DCC: variants seen among roughly 807,000 people sequenced by gnomAD.
The protein encoded by DCC is DCC netrin 1 receptor, also known as netrin receptor DCC.
In DCC, 58 loss-of-function variants were observed where a neutral mutation model predicts 172.5. The observed-to-expected ratio is 0.34, with a 90% CI of 0.27 to 0.42. The LOEUF (loss-of-function observed/expected upper bound fraction) is 0.42. Among genes scored for constraint, DCC ranks in the 10% least tolerant of loss-of-function variants. DCC has a pLI of 1.00. For missense variants in DCC, 1,740 were observed against 1,791.0 expected (o/e 0.97, Z 0.51); for synonymous variants, 709 against 644.5 (o/e 1.10, Z -1.52).
intron 1 of DCC, among the ~76,000 whole-genome samples, chr18:52,618,488 A>G (rs1055621134): frequency 6.6e-6 from 1 of 152,172 alleles, no homozygotes; most frequent in Non-Finnish European, 1.5e-5. Context: ...TGTACAGATA[A>G]ATGTAATAAC....
intron 2 of DCC, among the ~76,000 whole-genome samples, chr18:52,836,051 C>A (rs2038698938): frequency 6.6e-6 from 1 of 152,114 alleles, no homozygotes; most frequent in Non-Finnish European, 1.5e-5. Context: ...CTTCACATGG[C>A]AGCAGGAAGG....
intron 2 of DCC, among the ~76,000 whole-genome samples, chr18:52,860,479 AT>A (rs1383021795): frequency 2.0e-5 from 3 of 152,206 alleles, no homozygotes; most frequent in Non-Finnish European, 4.4e-5. Flanking sequence ...TTATAGACAA[AT>A]AAAAAAACCT....
chr18:53,000,862 A>G (rs1250478203), intron 5 of DCC, among the ~76,000 whole-genome samples: 1 of 152,082 alleles, frequency 6.6e-6, no homozygotes, highest in Non-Finnish European at 1.5e-5. Context: ...GCATTATATT[A>G]AAAACAAGGT....
intron 14 of DCC, among the ~76,000 whole-genome samples, chr18:53,336,141 A>G (rs1389232840): frequency 6.6e-6 from 1 of 152,134 alleles, no homozygotes; most frequent in East Asian, 1.9e-4. Context: ...TAACTACTCT[A>G]CTATTCCTCT....
intron 12 of DCC, among the ~76,000 whole-genome samples, chr18:53,291,174 A>G (rs1047383656): frequency 6.6e-6 from 1 of 152,172 alleles, no homozygotes; most frequent in South Asian, 2.1e-4. Flanking sequence ...TTTCGAAAAA[A>G]AAAAGAAAAA....
chr18:52,981,757 C>G (rs1321268959), intron 5 of DCC, among the ~76,000 whole-genome samples: 1 of 152,044 alleles, frequency 6.6e-6, no homozygotes, highest in Non-Finnish European at 1.5e-5. Flanking sequence ...TGTAAATTTA[C>G]ATTTTTCTTG....
chr18:53,136,792 T>C (rs1025575200), intron 7 of DCC, among the ~76,000 whole-genome samples: 2 of 152,168 alleles, frequency 1.3e-5, no homozygotes, highest in Non-Finnish European at 2.9e-5. Flanking sequence ...GTTTTAAAAA[T>C]GAGGAAATGT....
chr18:52,909,634 T>G (rs185856491), intron 3 of DCC, among the ~76,000 whole-genome samples: 36 of 152,338 alleles, frequency 2.4e-4, no homozygotes, highest in African/African-American at 8.4e-4. Context: ...TGAGGTCTAT[T>G]AAATTCAGAG....
intron 5 of DCC, among the ~76,000 whole-genome samples, chr18:52,991,138 T>C (rs1370412937): frequency 6.6e-6 from 1 of 151,916 alleles, no homozygotes; most frequent in African/African-American, 2.4e-5. Context: ...TAACACCTTA[T>C]CGATGTATCA....
intron 5 of DCC, among the ~76,000 whole-genome samples, chr18:53,046,923 AT>A (rs967672610): frequency 1.3e-5 from 2 of 151,514 alleles, no homozygotes; most frequent in African/African-American, 2.4e-5. Flanking sequence ...CCTGTCTTTC[AT>A]TTTTTTAATG....
At chr18:52,603,005 A>G (rs2097120581) in intron 1 of DCC, among the ~76,000 whole-genome samples, 1 of 152,100 alleles carries the variant, frequency 6.6e-6, no homozygotes, top group Non-Finnish European at 1.5e-5. Context: ...TGTTGACAAG[A>G]AAAGAGTATC....
chr18:53,228,381 A>C (rs1314157773), intron 12 of DCC, among the ~76,000 whole-genome samples: 1 of 152,130 alleles, frequency 6.6e-6, no homozygotes, highest in African/African-American at 2.4e-5. Flanking sequence ...TTCATTAATT[A>C]GTTTGTTTGT....
intron 2 of DCC, among the ~76,000 whole-genome samples, chr18:52,777,702 T>C (rs1309513122): frequency 6.6e-6 from 1 of 151,854 alleles, no homozygotes; most frequent in Non-Finnish European, 1.5e-5. Context: ...AAGATACCTG[T>C]GCAGCTGACC....
chr18:52,646,612 G>T (rs542371379), intron 1 of DCC, among the ~76,000 whole-genome samples: 6 of 152,230 alleles, frequency 3.9e-5, no homozygotes, highest in Non-Finnish European at 1.5e-5. Context: ...AAAACTTAGG[G>T]AAAGATTTAC....
At chr18:52,988,940 G>A (rs561643213) in intron 5 of DCC, among the ~76,000 whole-genome samples, 15 of 151,264 alleles carry the variant, frequency 9.9e-5, no homozygotes, top group African/African-American at 3.4e-4. Flanking sequence ...AAATCCAAGC[G>A]ATATCCCTTT....
chr18:52,764,127 A>G (rs990803334), intron 2 of DCC, among the ~76,000 whole-genome samples: 3 of 152,212 alleles, frequency 2.0e-5, no homozygotes, highest in Non-Finnish European at 2.9e-5. Flanking sequence ...ATTCAAGAGC[A>G]TTTTATTAGC....
chr18:52,800,607 T>G lies in DCC; in HGVS notation c.412+48233T>G, dbSNP rs77549291. On this transcript the variant is annotated intron_variant, in intron 2 of 28. Coordinates refer to ENST00000442544, the MANE Select transcript of DCC (RefSeq NM_005215.4). ...GTTAGATGCAGATAAAAAATAATCT[T>G]TGTGTGATAGCATTTTCAACACCAA... Among the ~76,000 whole-genome samples the G allele has an allele frequency of 3.5e-3, 526 of 152,306 alleles. 9 individuals are homozygous for G. The East Asian group carries it at 0.06, about 17-fold the overall frequency.
chr18:52,771,731 AGTAGCACTGAAAT>A (rs2037347061), intron 2 of DCC, among the ~76,000 whole-genome samples: 1 of 152,176 alleles, frequency 6.6e-6, no homozygotes, highest in Non-Finnish European at 1.5e-5. Context: ...CAAAAGGCCA[AGTAGCACTGAAAT>A]GTTTTTTGTT....
chr18:53,116,085 T>C (rs1313436977), intron 7 of DCC, among the ~76,000 whole-genome samples: 1 of 151,648 alleles, frequency 6.6e-6, no homozygotes, highest in Admixed American at 6.6e-5. Context: ...TGCTGACCTG[T>C]TACTTAGTAA....
Sources: gnomAD v4.1 joint callset for allele counts (sites outside exome capture counted in the v4.1 genomes callset) on GRCh38, gnomAD v4.1.1 for gene constraint, MANE v1.5 for transcripts, NCBI Gene and HGNC (gene_info 2026-07-23, HGNC 2026-07-21) for gene names.